ACAN: variants seen among roughly 807,000 people sequenced by gnomAD.
ACAN encodes aggrecan core protein.
A neutral mutation model predicts 169.1 loss-of-function variants in ACAN; 47 were observed. The observed-to-expected ratio is 0.28, with a 90% CI of 0.22 to 0.35. The LOEUF is 0.35. ACAN is among the 10% of genes least tolerant of loss of function. ACAN has a pLI of 1.00. For missense variants in ACAN, 2,716 were observed against 2,759.9 expected, an observed-to-expected ratio of 0.98 and a Z score of 0.36; for synonymous variants, 1,115 against 1,112.2, an observed-to-expected ratio of 1.00 and a Z score of -0.05.
chr15:88,853,971 C>G (rs1896991838), intron 11 of ACAN, among the ~76,000 whole-genome samples: 1 of 152,068 alleles, frequency 6.6e-6, no homozygotes, highest in Non-Finnish European at 1.5e-5. Flanking sequence ...CTCAGGGGCC[C>G]CATCTGGGAA....
rs764118916 is a variant in ACAN at position 88,874,457 on chromosome 15, G to T, written c.7683G>T (p.Arg2561Ser). 1 of 1,606,150 alleles carries T rather than the reference G, an allele frequency of 6.2e-7. No homozygotes were observed. Among genetic ancestry groups the T allele is most frequent in the Non-Finnish European group, 8.5e-7 (1 of 1,176,840 alleles). Reference sequence around the variant, plus strand: ...AGCGGAGCTCACGGCACCCTCGGAGGAGCCGCCCCAGCACAGCCCACTGAG... The same window carrying T: ...AGCGGAGCTCACGGCACCCTCGGAGTAGCCGCCCCAGCACAGCCCACTGAG... The part of the protein sequence containing the change: ...LQKRSSRHPR[R>S]SRPSTAH The change falls in exon 19 of 19, where the codon AGG (arginine) becomes AGT (serine). Residue 2561 changes from arginine (R) to serine (S), a missense_variant. Transcript: ENST00000560601. The surrounding 1 kb of genome is among the most constrained non-coding windows in gnomAD (Gnocchi z 7.3).
At chr15:88,805,356 G>A (rs1423531460) in intron 1 of ACAN, among the ~76,000 whole-genome samples, 1 of 152,164 alleles carries the variant, frequency 6.6e-6, no homozygotes, top group Admixed American at 6.5e-5. Context: ...GCGGCAGTGG[G>A]GAGGAGAGGT....
rs1329622669 is a variant in ACAN at position 88,854,787 on chromosome 15, T to C, written c.2267-65T>C. 6 of 1,353,024 alleles carry C rather than the reference T, an allele frequency of 4.4e-6. No homozygotes were observed. In the East Asian group the frequency reaches 1.7e-4, roughly 37 times the overall value. 83.8% of individuals were successfully genotyped at this position (1,353,024 alleles called of 1,614,324 possible). ...GAAAGAATGGAGTTTAGATTCTACA[T>C]TTGAGCTTAAAGTGGGGCAGAGTTA... On this transcript the variant is annotated intron_variant, in intron 11 of 18. Coordinates refer to ENST00000560601, the MANE Select transcript of ACAN (RefSeq NM_001369268.1).
chr15:88,824,654 G>A (rs182190020), intron 1 of ACAN, among the ~76,000 whole-genome samples: 5 of 152,252 alleles, frequency 3.3e-5, no homozygotes, highest in South Asian at 4.2e-4. Flanking sequence ...CAAGTCAAGC[G>A]GATTACCTGA....
At position 88,868,284 on chromosome 15, in the gene ACAN, A is replaced by G. The variant is rs1386770231; in HGVS notation, c.7015A>G (p.Thr2339Ala). 1.4e-6 allele frequency: 1 copy of G among 702,774 alleles called. No homozygotes were observed. 43.5% of individuals were successfully genotyped at this position (702,774 alleles called of 1,614,324 possible). ...CTGCGTGGATGCCATCGACTCTTTCACATGCTTATGCCTTCCCAGCTACGA... is the reference window on the plus strand; with the variant it reads ...CTGCGTGGATGCCATCGACTCTTTCGCATGCTTATGCCTTCCCAGCTACGA... ...ATCVDAIDSF[T>A]CLCLPSYEGD... Residue 2339 changes from threonine to alanine, a missense_variant, in exon 14 of 19, where the codon ACA becomes GCA. Transcript: ENST00000560601. The surrounding 1 kb of genome is among the most constrained non-coding windows in gnomAD (Gnocchi z 5.2).
At chr15:88,834,561 C>G (rs139462134) in intron 1 of ACAN, among the ~76,000 whole-genome samples, 2,820 of 152,346 alleles carry the variant, frequency 0.019, 47 homozygotes, top group South Asian at 0.032. Flanking sequence ...ATGCCACGGG[C>G]GAGAGTTGCT....
chr15:88,810,952 T>C (rs1341487692), intron 1 of ACAN, among the ~76,000 whole-genome samples: 1 of 152,208 alleles, frequency 6.6e-6, no homozygotes, highest in Non-Finnish European at 1.5e-5. Context: ...GGCCACTTGC[T>C]CTCTTCCTTC....
chr15:88,820,081 A>G (rs1293764613), intron 1 of ACAN, among the ~76,000 whole-genome samples: 2 of 152,182 alleles, frequency 1.3e-5, no homozygotes, highest in Admixed American at 1.3e-4. Flanking sequence ...TGAGCATTAA[A>G]CGAGATGAGG....
At position 88,857,453 on chromosome 15, in the gene ACAN, G is replaced by A. The variant is rs373469771; in HGVS notation, c.4868G>A (p.Ser1623Asn). ...TLGSGQAPET[S>N]GLPSGFSGEY... ...GGAAGTGGGCAAGCTCCAGAAACAA[G>A]TGGTCTTCCCTCTGGATTTAGTGGT... The change falls in exon 12 of 19, where the codon AGT (serine) becomes AAT (asparagine). Residue 1623 changes from serine (S) to asparagine (N), a missense_variant. Around this residue, in one of 3 missense-constraint regions of ACAN, gnomAD observed 1,389 missense variants for 1,363.7 expected, o/e 1.02. Coordinates refer to ENST00000560601, the MANE Select transcript of ACAN (RefSeq NM_001369268.1). 1 of 1,613,798 alleles carries A rather than the reference G, an allele frequency of 6.2e-7. No individual in the cohort carries two copies. Among genetic ancestry groups the A allele is most frequent in the Non-Finnish European group, 8.5e-7 (1 of 1,179,898 alleles).
At position 88,853,735 on chromosome 15, in the gene ACAN, ATGAT is replaced by A. The variant is rs562286996; in HGVS notation, c.2267-1116_2267-1113del. 4.2e-3 allele frequency among the ~76,000 whole-genome samples: 612 copies of A among 146,700 alleles called. 34 individuals carry two copies. In the South Asian group the frequency reaches 0.11, roughly 26 times the overall value. ...ATGTGTTTCATAGATAAATAGATAG[ATGAT>A]AGATAGATAGATAGATACATACATA... is the stretch of plus-strand genomic sequence containing the variant. On this transcript the variant is annotated intron_variant, in intron 11 of 18. Coordinates refer to ENST00000560601, the MANE Select transcript of ACAN (RefSeq NM_001369268.1).
chr15:88,824,155 T>G (rs1301132410), intron 1 of ACAN, among the ~76,000 whole-genome samples: 2 of 152,008 alleles, frequency 1.3e-5, no homozygotes, highest in East Asian at 3.9e-4. Flanking sequence ...AAACCCCGTC[T>G]CTACTAAAAA....
chr15:88,829,958 G>A (rs188438290), intron 1 of ACAN, among the ~76,000 whole-genome samples: 1 of 152,134 alleles, frequency 6.6e-6, no homozygotes, highest in Non-Finnish European at 1.5e-5. Context: ...GAAAAATTGG[G>A]TGCTAAACAG....
intron 1 of ACAN, among the ~76,000 whole-genome samples, chr15:88,816,236 T>C (rs1310826797): frequency 1.3e-5 from 2 of 152,230 alleles, no homozygotes; most frequent in Non-Finnish European, 2.9e-5. Flanking sequence ...GCAATGGGGG[T>C]TCAGGCTTAG....
intron 1 of ACAN, among the ~76,000 whole-genome samples, chr15:88,804,450 C>T (rs528160184): frequency 1.3e-5 from 2 of 152,276 alleles, no homozygotes; most frequent in South Asian, 4.1e-4. Flanking sequence ...GAACTGCCAG[C>T]AGGGGAGAGG....
At chr15:88,867,902 T>C (rs1440640689) in intron 13 of ACAN, among the ~76,000 whole-genome samples, 1 of 152,230 alleles carries the variant, frequency 6.6e-6, no homozygotes, top group Non-Finnish European at 1.5e-5. Context: ...GAACTCTATG[T>C]TCCCCGTCAG....
intron 1 of ACAN, among the ~76,000 whole-genome samples, chr15:88,809,707 T>A (rs1331268250): frequency 6.6e-6 from 1 of 152,194 alleles, no homozygotes; most frequent in Non-Finnish European, 1.5e-5. Flanking sequence ...ACCGGGCAGC[T>A]GCATCCTCCA....
intron 1 of ACAN, among the ~76,000 whole-genome samples, chr15:88,833,647 T>C (rs1302813176): frequency 6.6e-6 from 1 of 151,940 alleles, no homozygotes; most frequent in African/African-American, 2.4e-5. Context: ...TTTATTGCGA[T>C]ATTTCTATCC....
chr15:88,827,160 TGAAGATA>T (rs1896244299), intron 1 of ACAN, among the ~76,000 whole-genome samples: 1 of 152,146 alleles, frequency 6.6e-6, no homozygotes, highest in Non-Finnish European at 1.5e-5. Flanking sequence ...CACTGTTGCC[TGAAGATA>T]GAGAGGGGGT....
At chr15:88,808,601 T>C (rs961568012) in intron 1 of ACAN, among the ~76,000 whole-genome samples, 8 of 152,178 alleles carry the variant, frequency 5.3e-5, no homozygotes, top group Non-Finnish European at 1.0e-4. Flanking sequence ...TCTGGAGACA[T>C]TTTTTGTTGT....
Sources: gnomAD v4.1 joint callset for allele counts (sites outside exome capture counted in the v4.1 genomes callset) on GRCh38, gnomAD v4.1.1 for gene constraint, gnomAD v4.1.1 regional missense constraint, Gnocchi (gnomAD v3.1) non-coding constraint, MANE v1.5 for transcripts, NCBI Gene and HGNC (gene_info 2026-07-23, HGNC 2026-07-21) for gene names.